Variants in KLHL4 observed in about 807,000 individuals in gnomAD.
The protein encoded by KLHL4 is kelch-like protein 4.
In KLHL4, 17 loss-of-function variants were observed where a neutral mutation model predicts 45.8. The ratio of observed to expected loss-of-function variants is 0.37; its 90% CI spans 0.25 to 0.56. The LOEUF is 0.56. Among genes scored for constraint, KLHL4 ranks in the 20% least tolerant of loss-of-function variants. KLHL4 has a pLI of 0.79. For missense variants in KLHL4, 544 were observed against 544.9 expected (o/e 1.00, Z 0.02); for synonymous variants, 224 against 189.9 (o/e 1.18, Z -1.47).
intron 9 of KLHL4, 47 bp from the exon 10 acceptor site, chrX:87,664,717 A>T: frequency 1.1e-6 from 1 of 911,095 alleles, no homozygotes; most frequent in Non-Finnish European, 1.5e-6. Context: ...TTTCAGTTGT[A>T]ACTCTATTGG....
chrX:87,585,642 A>C (rs1201902170), intron 1 of KLHL4, among the ~76,000 whole-genome samples: 1 of 111,622 alleles, frequency 9.0e-6, no homozygotes, highest in Non-Finnish European at 1.9e-5. Flanking sequence ...AAAAACAAGA[A>C]ACAAAATTAT....
Position 87,540,661 on chromosome X carries a change from A to T in KLHL4, c.422+22346A>T, listed in dbSNP as rs4828468. ...CTCTTATGATAACAATGCCTTCTTCAGGAATACCTCCTGAAGGCCCTGCCT... is the reference window on the plus strand; with the variant it reads ...CTCTTATGATAACAATGCCTTCTTCTGGAATACCTCCTGAAGGCCCTGCCT... On this transcript the variant is annotated intron_variant, in intron 1 of 10. Coordinates refer to ENST00000373119, the MANE Select transcript of KLHL4 (RefSeq NM_019117.5). 5.8e-3 allele frequency among the ~76,000 whole-genome samples: 635 copies of T among 110,138 alleles called. 5 individuals carry two copies. The highest frequency in any genetic ancestry group is 0.021 in the East Asian group (70 of 3,407).
Position 87,669,034 on chromosome X carries a change from C to A in KLHL4, c.*2500C>A. On this transcript the variant is annotated 3_prime_UTR_variant, in exon 11 of 11. Coordinates refer to ENST00000373119, the MANE Select transcript of KLHL4 (RefSeq NM_019117.5). ...CAAACATAACTGTGCTTGTCTCAGT[C>A]AAACTTAATTGGGAAAAGGAGGAGT... 1.2e-6 allele frequency: 1 copy of A among 847,629 alleles called. No individual in the cohort carries two copies. Among genetic ancestry groups the A allele is most frequent in the Non-Finnish European group, 1.4e-6 (1 of 699,700 alleles). 69.9% of individuals were successfully genotyped at this position (847,629 alleles called of 1,213,427 possible).
chrX:87,635,182 T>A (rs1414038062), intron 8 of KLHL4, among the ~76,000 whole-genome samples: 1 of 111,999 alleles, frequency 8.9e-6, no homozygotes, highest in Non-Finnish European at 1.9e-5. Context: ...CCTAGGTAGT[T>A]TAACCCTGCT....
chrX:87,630,378 T>A lies in KLHL4; in HGVS notation c.1325-1832T>A, dbSNP rs2294960. 4.4e-3 allele frequency among the ~76,000 whole-genome samples: 491 copies of A among 111,121 alleles called. 10 individuals carry two copies. Among genetic ancestry groups the A allele is most frequent in the East Asian group, 0.032 (112 of 3,530 alleles). ...TTTTCTAGCAAATGAGGTTTTTTTT[T>A]AAATTATTATTATACTTTAAGTTTT... is the stretch of plus-strand genomic sequence containing the variant. On this transcript the variant is annotated intron_variant, in intron 6 of 10. Coordinates refer to ENST00000373119, the MANE Select transcript of KLHL4 (RefSeq NM_019117.5).
chrX:87,618,394 A>G (rs766284935), intron 4 of KLHL4, among the ~76,000 whole-genome samples: 1 of 112,047 alleles, frequency 8.9e-6, no homozygotes, highest in Non-Finnish European at 1.9e-5. Flanking sequence ...AATCTATAGT[A>G]TTAAGAAAAT....
chrX:87,581,237 G>A (rs373364174), intron 1 of KLHL4, among the ~76,000 whole-genome samples: 73 of 112,221 alleles, frequency 6.5e-4, no homozygotes, highest in African/African-American at 2.0e-3. Context: ...GTGGAGTGCC[G>A]GGGGGTGGGG....
chrX:87,605,651 A>G (rs1569351709), intron 1 of KLHL4, among the ~76,000 whole-genome samples: 1 of 110,912 alleles, frequency 9.0e-6, no homozygotes, highest in African/African-American at 3.3e-5. Context: ...AGTTTTCTAT[A>G]TATAAGATAA....
At chrX:87,622,537 G>A in intron 5 of KLHL4, 114 bp downstream of exon 5, 1 of 473,073 alleles carries the variant, frequency 2.1e-6, no homozygotes, top group Non-Finnish European at 3.4e-6. Context: ...TAATTTGAGT[G>A]TACAAGATTC....
intron 1 of KLHL4, among the ~76,000 whole-genome samples, chrX:87,559,129 A>G (rs2147783862): frequency 8.9e-6 from 1 of 112,208 alleles, no homozygotes; most frequent in East Asian, 2.8e-4. Flanking sequence ...ACATACATGA[A>G]TAAGTGTGAC....
At chrX:87,643,427 CA>C (rs1234546185) in intron 9 of KLHL4, among the ~76,000 whole-genome samples, 9 of 108,765 alleles carry the variant, frequency 8.3e-5, no homozygotes, top group Non-Finnish European at 1.2e-4. Flanking sequence ...AAATTACCAA[CA>C]AAAAAAAAGT....
At chrX:87,564,430 AT>A (rs1176525744) in intron 1 of KLHL4, among the ~76,000 whole-genome samples, 2 of 111,338 alleles carry the variant, frequency 1.8e-5, no homozygotes, top group African/African-American at 3.3e-5. Context: ...GAAAAAAAAA[AT>A]AAACCTAAAG....
rs762137464 is a variant in KLHL4 at position 87,668,483 on chromosome X, A to G, written c.*1949A>G. On this transcript the variant is annotated 3_prime_UTR_variant, in exon 11 of 11. Transcript: ENST00000373119. ...CCCGGGGCTACCCCTTCATAGCTGC[A>G]TTTAAAAATGGTGTTCAGGCCACTA... 2.9e-4 allele frequency: 221 copies of G among 752,266 alleles called. No homozygotes were observed. The African/African-American group carries it at 4.3e-3, about 15-fold the overall frequency. 62.0% of individuals were successfully genotyped at this position (752,266 alleles called of 1,213,427 possible).
At chrX:87,593,987 T>A (rs924479124) in intron 1 of KLHL4, among the ~76,000 whole-genome samples, 5 of 112,173 alleles carry the variant, frequency 4.5e-5, no homozygotes, top group Non-Finnish European at 9.4e-5. Flanking sequence ...CCTCACCTGT[T>A]CAATGATTAT....
intron 9 of KLHL4, among the ~76,000 whole-genome samples, chrX:87,650,025 G>A (rs1307321647): frequency 9.0e-6 from 1 of 111,140 alleles, no homozygotes; most frequent in Non-Finnish European, 1.9e-5. Context: ...GAGTTAGGAT[G>A]AATTTTTCTA....
chrX:87,648,541 A>C (rs1317713012), intron 9 of KLHL4, among the ~76,000 whole-genome samples: 1 of 111,531 alleles, frequency 9.0e-6, no homozygotes, highest in Non-Finnish European at 1.9e-5. Flanking sequence ...GCAGAGGGAA[A>C]ATTAAACTGA....
At chrX:87,634,427 T>C (rs748311245) in intron 8 of KLHL4, among the ~76,000 whole-genome samples, 1 of 111,541 alleles carries the variant, frequency 9.0e-6, no homozygotes, top group South Asian at 3.8e-4. Flanking sequence ...TTCCGAGATA[T>C]TATACTAAAA....
At chrX:87,554,327 A>G (rs1463318922) in intron 1 of KLHL4, among the ~76,000 whole-genome samples, 4 of 92,380 alleles carry the variant, frequency 4.3e-5, no homozygotes, top group Non-Finnish European at 6.3e-5. Flanking sequence ...CATTTTCACG[A>G]TATTGATTCT....
intron 1 of KLHL4, among the ~76,000 whole-genome samples, chrX:87,605,459 T>C (rs1002732943): frequency 9.0e-6 from 1 of 111,043 alleles, no homozygotes; most frequent in African/African-American, 3.3e-5. Context: ...AGTTCTTATT[T>C]GTTAAGGTTA....
Sources: allele counts gnomAD v4.1 joint callset (sites outside exome capture counted in the v4.1 genomes callset), GRCh38; gene constraint gnomAD v4.1.1; transcripts MANE v1.5; gene names NCBI Gene and HGNC (gene_info 2026-07-23, HGNC 2026-07-21).